The following ROCK1 variants were observed in gnomAD, a reference collection of about 807,000 sequenced individuals.
The protein encoded by ROCK1 is rho-associated protein kinase 1.
In ROCK1, 36 loss-of-function variants were observed where a neutral mutation model predicts 196.8. The observed-to-expected ratio is 0.18, with a 90% confidence interval of 0.14 to 0.24. ROCK1 has a LOEUF of 0.24. Ranked by LOEUF, ROCK1 falls within the 10% of genes least tolerant of loss-of-function variation. The pLI is 1.00. For missense variants in ROCK1, 920 were observed against 1,562.0 expected (o/e 0.59, Z 6.93); for synonymous variants, 443 against 515.9 (o/e 0.86, Z 1.91).
chr18:21,003,248 T>C (rs1286596763), intron 16 of ROCK1, among the ~76,000 whole-genome samples: 1 of 152,122 alleles, frequency 6.6e-6, no homozygotes, highest in African/African-American at 2.4e-5. Context: ...ACATGGTTTC[T>C]TTAACCGAAA....
chr18:21,083,000 G>C (rs2036495216), intron 1 of ROCK1, among the ~76,000 whole-genome samples: 1 of 152,104 alleles, frequency 6.6e-6, no homozygotes, highest in African/African-American at 2.4e-5. Flanking sequence ...ATTCAGCCAA[G>C]TTACAGGTTA....
intron 14 of ROCK1, 139 bp from the exon 15 acceptor site, chr18:21,006,929 A>G: frequency 1.8e-6 from 1 of 543,090 alleles, no homozygotes; most frequent in Non-Finnish European, 3.2e-6. Context: ...CCAAATTCCA[A>G]TTTGGAAGTA....
At chr18:21,024,066 G>A (rs900815861) in intron 10 of ROCK1, among the ~76,000 whole-genome samples, 1 of 152,158 alleles carries the variant, frequency 6.6e-6, no homozygotes, top group African/African-American at 2.4e-5. Context: ...TCAGTTTTCA[G>A]AGCTTTTTGT....
intron 2 of ROCK1, among the ~76,000 whole-genome samples, chr18:21,055,559 CT>C (rs1392163357): frequency 1.3e-5 from 2 of 152,176 alleles, no homozygotes; most frequent in African/African-American, 2.4e-5. Context: ...TCTATCTTAA[CT>C]TAAACCCTCC....
intron 6 of ROCK1, 31 bp downstream of exon 6, chr18:21,044,071 C>G: frequency 7.2e-7 from 1 of 1,396,292 alleles, no homozygotes; most frequent in Non-Finnish European, 1.0e-6. Context: ...CTTGAATTAG[C>G]AAAAACTAAA....
chr18:21,105,760 G>C (rs1046548838), intron 1 of ROCK1, among the ~76,000 whole-genome samples: 2 of 152,136 alleles, frequency 1.3e-5, no homozygotes, highest in African/African-American at 4.8e-5. Context: ...ATGCTTACAA[G>C]GCAGTCAGAT....
intron 4 of ROCK1, 33 bp downstream of exon 4, chr18:21,049,059 T>C: frequency 1.3e-6 from 2 of 1,535,170 alleles, no homozygotes; most frequent in Non-Finnish European, 1.8e-6. Flanking sequence ...TACAAACTAA[T>C]GCAGCAATAA....
chr18:20,992,789 A>G (rs372826657), intron 17 of ROCK1, 42 bp downstream of exon 17: 45 of 1,121,482 alleles, frequency 4.0e-5, no homozygotes, highest in Non-Finnish European at 6.0e-5. Context: ...GATAATCAGT[A>G]ATTACTATTT....
intron 1 of ROCK1, among the ~76,000 whole-genome samples, chr18:21,093,511 T>C (rs2036588182): frequency 6.6e-6 from 1 of 152,162 alleles, no homozygotes; most frequent in South Asian, 2.1e-4. Flanking sequence ...GAAGAGTGTA[T>C]ATGACTTCTC....
chr18:21,003,359 T>A (rs1158255926), intron 16 of ROCK1, among the ~76,000 whole-genome samples: 1 of 152,052 alleles, frequency 6.6e-6, no homozygotes, highest in African/African-American at 2.4e-5. Flanking sequence ...TGTCCAAACT[T>A]TGGATCCAAA....
chr18:21,001,978 G>T (rs1485161101), intron 16 of ROCK1, among the ~76,000 whole-genome samples: 1 of 152,048 alleles, frequency 6.6e-6, no homozygotes, highest in African/African-American at 2.4e-5. Flanking sequence ...AAATGCCCAT[G>T]TAACAGTGAA....
In ROCK1 at chr18:21,037,009, C is replaced by A. The variant is rs546476353; in HGVS notation, c.1051+2463G>T. Among the ~76,000 whole-genome samples the A allele has an allele frequency of 7.9e-5, 12 of 152,146 alleles. No homozygotes were observed. The South Asian group carries it at 2.5e-3, about 32-fold the overall frequency. On this transcript the variant is annotated intron_variant, in intron 9 of 32. Transcript: ENST00000399799. ...ACTGAACAGGTAACGATCTTTAAAT[C>A]GTACATGGTACTTCAAAGATCAAAG...
chr18:21,030,269 A>G (rs181791188), intron 9 of ROCK1, among the ~76,000 whole-genome samples: 2 of 152,284 alleles, frequency 1.3e-5, no homozygotes, highest in East Asian at 3.9e-4. Flanking sequence ...AGTGATCTCA[A>G]TCAGAGACAC....
chr18:21,046,889 T>C (rs1568394170), intron 4 of ROCK1, among the ~76,000 whole-genome samples: 5 of 152,126 alleles, frequency 3.3e-5, no homozygotes, highest in Admixed American at 2.6e-4. Context: ...GAGCCAGTCT[T>C]GAACTCCTGC....
chr18:21,038,500 G>C (rs1249927548), intron 9 of ROCK1, among the ~76,000 whole-genome samples: 1 of 152,016 alleles, frequency 6.6e-6, no homozygotes, highest in East Asian at 1.9e-4. Context: ...TAAAATATTT[G>C]ATAACTAGAA....
intron 22 of ROCK1, among the ~76,000 whole-genome samples, chr18:20,976,035 T>C (rs1384557679): frequency 6.6e-6 from 1 of 152,316 alleles, no homozygotes; most frequent in East Asian, 1.9e-4. Context: ...CCTCTGCCCA[T>C]TCCTTAAAAG....
intron 1 of ROCK1, among the ~76,000 whole-genome samples, chr18:21,092,920 C>T (rs1249527966): frequency 6.6e-6 from 1 of 152,094 alleles, no homozygotes; most frequent in Non-Finnish European, 1.5e-5. Flanking sequence ...GTTTGGCAAA[C>T]GGCTGGCAAT....
intron 17 of ROCK1, among the ~76,000 whole-genome samples, chr18:20,992,277 C>A (rs1275051363): frequency 6.6e-6 from 1 of 152,138 alleles, no homozygotes; most frequent in Non-Finnish European, 1.5e-5. Flanking sequence ...ATTGAACCTC[C>A]AACATTTCAG....
chr18:21,022,389 AT>A (rs1455913162), intron 11 of ROCK1, among the ~76,000 whole-genome samples: 2 of 152,160 alleles, frequency 1.3e-5, no homozygotes, highest in Non-Finnish European at 2.9e-5. Context: ...CAGTGGACAA[AT>A]TAAGATGATG....
Sources: gnomAD v4.1 joint callset for allele counts (sites outside exome capture counted in the v4.1 genomes callset) on GRCh38, gnomAD v4.1.1 for gene constraint, MANE v1.5 for transcripts, NCBI Gene and HGNC (gene_info 2026-07-23, HGNC 2026-07-21) for gene names.